CSMD3: variants seen among roughly 807,000 people sequenced by gnomAD.
CSMD3 encodes CUB and Sushi multiple domains 3, also known as CUB and sushi domain-containing protein 3.
Under a neutral mutation model 435.2 loss-of-function variants are expected in CSMD3, and 177 were observed. The ratio of observed to expected loss-of-function variants is 0.41; its 90% CI spans 0.36 to 0.46. The LOEUF (loss-of-function observed/expected upper bound fraction) is 0.46. Ranked by LOEUF, CSMD3 falls within the 20% of genes least tolerant of loss-of-function variation. The probability of loss-of-function intolerance (pLI) is 0.34; values close to 1 mark genes in which losing one functional copy is unlikely to be tolerated. For synonymous variants in CSMD3, 1,656 were observed against 1,520.5 expected, an observed-to-expected ratio of 1.09 and a Z score of -2.07; for missense variants, 4,265 against 4,504.6, an observed-to-expected ratio of 0.95 and a Z score of 1.52.
intron 22 of CSMD3, among the ~76,000 whole-genome samples, chr8:112,631,148 A>C (rs1001896689): frequency 1.3e-5 from 2 of 152,106 alleles, no homozygotes; most frequent in Non-Finnish European, 2.9e-5. Flanking sequence ...CAAATACAAA[A>C]GGGATATTTA....
intron 6 of CSMD3, among the ~76,000 whole-genome samples, chr8:112,984,513 C>T (rs2085175286): frequency 6.6e-6 from 1 of 152,160 alleles, no homozygotes; most frequent in South Asian, 2.1e-4. Context: ...GTCTTTGACT[C>T]TTTCTACTCT....
chr8:112,952,739 T>G (rs541630680), intron 8 of CSMD3, among the ~76,000 whole-genome samples: 6 of 151,564 alleles, frequency 4.0e-5, no homozygotes, highest in Non-Finnish European at 8.9e-5. Flanking sequence ...TTTAAAAAGA[T>G]TTTTATAGAA....
At chr8:113,406,634 A>G (rs1239700189) in intron 1 of CSMD3, among the ~76,000 whole-genome samples, 1 of 151,996 alleles carries the variant, frequency 6.6e-6, no homozygotes, top group African/African-American at 2.4e-5. Context: ...TTCTATATAT[A>G]AAATGAGGGT....
At chr8:112,788,375 C>T (rs377358838) in intron 13 of CSMD3, among the ~76,000 whole-genome samples, 41 of 152,146 alleles carry the variant, frequency 2.7e-4, no homozygotes, top group East Asian at 1.6e-3. Context: ...ATTCCCACCA[C>T]GCATCCTAGA....
intron 6 of CSMD3, among the ~76,000 whole-genome samples, chr8:112,992,024 T>C (rs1216477390): frequency 6.6e-6 from 1 of 151,842 alleles, no homozygotes; most frequent in African/African-American, 2.4e-5. Context: ...TTAAGCATTT[T>C]TGCAATAATC....
chr8:113,405,078 C>G (rs2094526790), intron 1 of CSMD3, among the ~76,000 whole-genome samples: 1 of 151,400 alleles, frequency 6.6e-6, no homozygotes, highest in Non-Finnish European at 1.5e-5. Flanking sequence ...ATGAAAATTT[C>G]TTTCATTAAC....
In CSMD3 at chr8:112,313,769, C is replaced by T. The variant is rs1001871032; in HGVS notation, c.7696+137G>A. The stretch of plus-strand genomic sequence containing the variant: ...ATTACAATAGGAAATAGAGAGGTTA[C>T]ATAAATTGTCCAGGAACCATCAATG... On this transcript the variant is annotated intron_variant, in intron 49 of 70. Coordinates refer to ENST00000297405, the MANE Select transcript of CSMD3 (RefSeq NM_198123.2). 7.6e-6 allele frequency: 5 copies of T among 660,798 alleles called. No homozygotes were observed. In the African/African-American group the frequency reaches 9.1e-5, roughly 12 times the overall value. 40.9% of individuals were successfully genotyped at this position (660,798 alleles called of 1,614,324 possible). A position where few individuals can be genotyped will look rare whatever the true frequency, so the allele number is the denominator to read the frequency against.
At chr8:113,087,694 T>A (rs1232896756) in intron 5 of CSMD3, among the ~76,000 whole-genome samples, 1 of 151,924 alleles carries the variant, frequency 6.6e-6, no homozygotes, top group Non-Finnish European at 1.5e-5. Flanking sequence ...TTACACCTTA[T>A]ACAAAAATTA....
intron 67 of CSMD3, 96 bp from the exon 68 acceptor site, chr8:112,234,573 T>A: frequency 1.3e-6 from 1 of 776,918 alleles, no homozygotes; most frequent in South Asian, 1.5e-5. Context: ...ATGTAAGATA[T>A]GTAATTAAAA....
At chr8:112,926,546 G>C (rs1174123852) in intron 9 of CSMD3, among the ~76,000 whole-genome samples, 1 of 152,108 alleles carries the variant, frequency 6.6e-6, no homozygotes, top group Non-Finnish European at 1.5e-5. Flanking sequence ...TCATGATTAT[G>C]CTGGTCAATG....
intron 4 of CSMD3, among the ~76,000 whole-genome samples, chr8:113,168,519 C>CAAAAAAAAAAAAAAAAAAAAAAAAAAA (rs71281204): frequency 5.9e-5 from 1 of 17,018 alleles, no homozygotes; most frequent in Non-Finnish European, 1.1e-4. Context: ...GACTCTGTCT[C>CAAAAAAAAAAAAAAAAAAAAAAAAAAA]AAAAAAAAAA....
chr8:113,046,360 T>G (rs2087831053), intron 5 of CSMD3, among the ~76,000 whole-genome samples: 1 of 149,532 alleles, frequency 6.7e-6, no homozygotes, highest in South Asian at 2.1e-4. Flanking sequence ...AAAGCCTTAT[T>G]TGAACAAACA....
At chr8:112,573,963 C>A (rs1829738357) in intron 23 of CSMD3, among the ~76,000 whole-genome samples, 1 of 151,742 alleles carries the variant, frequency 6.6e-6, no homozygotes, top group South Asian at 2.1e-4. Flanking sequence ...AGAATACCTA[C>A]CTAAAGATTG....
intron 13 of CSMD3, among the ~76,000 whole-genome samples, chr8:112,746,658 A>G (rs2077433535): frequency 6.6e-6 from 1 of 151,466 alleles, no homozygotes; most frequent in South Asian, 2.1e-4. Context: ...TTATTTTTGA[A>G]TTATCTCTAT....
chr8:112,945,152 A>T (rs556439503), intron 9 of CSMD3, among the ~76,000 whole-genome samples: 12 of 151,728 alleles, frequency 7.9e-5, no homozygotes, highest in Non-Finnish European at 4.4e-5. Flanking sequence ...AAGCCTTGAA[A>T]ATTGAGCCTC....
At chr8:113,013,458 T>A (rs1265547408) in intron 6 of CSMD3, among the ~76,000 whole-genome samples, 1 of 152,062 alleles carries the variant, frequency 6.6e-6, no homozygotes, top group African/African-American at 2.4e-5. Flanking sequence ...AAGAAATCTT[T>A]AGAGAACAAA....
At chr8:113,268,230 C>T (rs927895848) in intron 3 of CSMD3, among the ~76,000 whole-genome samples, 2 of 151,838 alleles carry the variant, frequency 1.3e-5, no homozygotes, top group Admixed American at 1.3e-4. Flanking sequence ...GAGCACTCCC[C>T]ACCCTTTGTT....
At chr8:112,409,966 T>G (rs1204812173) in intron 32 of CSMD3, among the ~76,000 whole-genome samples, 2 of 151,992 alleles carry the variant, frequency 1.3e-5, no homozygotes, top group African/African-American at 4.8e-5. Flanking sequence ...GCAAGGTCAC[T>G]TTTATAAATT....
At chr8:113,365,684 C>A (rs1397504166) in intron 1 of CSMD3, among the ~76,000 whole-genome samples, 1 of 151,996 alleles carries the variant, frequency 6.6e-6, no homozygotes, top group African/African-American at 2.4e-5. Context: ...TCACTGCCAG[C>A]AAACAAAAAT....
Sources: allele counts gnomAD v4.1 joint callset (sites outside exome capture counted in the v4.1 genomes callset), GRCh38; gene constraint gnomAD v4.1.1; transcripts MANE v1.5; gene names NCBI Gene and HGNC (gene_info 2026-07-23, HGNC 2026-07-21).